PDGFRA: variants seen among roughly 807,000 people sequenced by gnomAD.
PDGFRA encodes the protein platelet-derived growth factor receptor alpha.
A neutral mutation model predicts 121.5 loss-of-function variants in PDGFRA; 25 were observed. The ratio of observed to expected loss-of-function variants is 0.21; its 90% CI spans 0.15 to 0.29. The LOEUF is 0.29. Among genes scored for constraint, PDGFRA ranks in the 10% least tolerant of loss-of-function variants. The pLI, the probability that PDGFRA is intolerant of heterozygous loss-of-function variation, is 1.00. For missense variants in PDGFRA, 1,008 were observed against 1,345.1 expected, an observed-to-expected ratio of 0.75 and a Z score of 3.92; for synonymous variants, 463 against 494.8, an observed-to-expected ratio of 0.94 and a Z score of 0.85.
intron 22 of PDGFRA, among the ~76,000 whole-genome samples, chr4:54,293,135 C>T (rs1015837391): frequency 6.6e-6 from 1 of 152,208 alleles, no homozygotes; most frequent in African/African-American, 2.4e-5. Context: ...CACTATGTCT[C>T]TATTTTTTGC....
chr4:54,272,410 G>A lies in PDGFRA; in HGVS notation c.1254G>A (p.Leu418=). The A allele has an allele frequency of 1.2e-6, 2 of 1,614,008 alleles. No homozygotes were observed. The highest frequency in any genetic ancestry group is 1.7e-6 in the Non-Finnish European group (2 of 1,180,000). ...ELLTQVPSSI[L]DLVDDHHGST... ...CTCTTGCAGTTCCTTCATCCATTCT[G>A]GACTTGGTCGATGATCACCATGGCT... Residue 418 remains leucine (L), a synonymous_variant, in exon 9 of 23, where the codon CTG becomes CTA. Coordinates refer to ENST00000257290, the MANE Select transcript of PDGFRA (RefSeq NM_006206.6).
Position 54,261,089 on chromosome 4 carries a change from T to C in PDGFRA, c.50-6T>C, listed in dbSNP as rs756305437. ...CATCCTATTCAGAGCGTGCTTCCTT[T>C]TGCAGGGCTGAGCCTAATCCTCTGC... On this transcript the variant is annotated splice_region_variant and splice_polypyrimidine_tract_variant and intron_variant, in intron 2 of 22. Coordinates refer to ENST00000257290, the MANE Select transcript of PDGFRA (RefSeq NM_006206.6). 3.1e-6 allele frequency: 5 copies of C among 1,614,010 alleles called. No homozygotes were observed. The highest frequency in any genetic ancestry group is 4.2e-6 in the Non-Finnish European group (5 of 1,179,862).
chr4:54,271,065 A>C (rs1319337280), intron 8 of PDGFRA, among the ~76,000 whole-genome samples: 1 of 152,140 alleles, frequency 6.6e-6, no homozygotes, highest in African/African-American at 2.4e-5. Flanking sequence ...GGCCTCTCAA[A>C]GTACTGGGAT....
Position 54,290,516 on chromosome 4 carries a change from C to A in PDGFRA, c.3084C>A (p.Val1028=). ...YIIPLPDIDP[V]PEEEDLGKRN... The stretch of plus-strand genomic sequence containing the variant: ...TTCCTCTGCCTGACATTGACCCTGT[C>A]CCTGAGGAGGAGGACCTGGGCAAGA... Residue 1028 remains valine, a synonymous_variant, in exon 22 of 23, where the codon GTC becomes GTA. Coordinates refer to ENST00000257290, the MANE Select transcript of PDGFRA (RefSeq NM_006206.6). The A allele has an allele frequency of 6.2e-7, 1 of 1,614,132 alleles. No homozygotes were observed. Among genetic ancestry groups the A allele is most frequent in the African/African-American group, 1.3e-5 (1 of 75,052 alleles).
chr4:54,261,637 T>C, intron 3 of PDGFRA, among the ~76,000 whole-genome samples: 1 of 151,966 alleles, frequency 6.6e-6, no homozygotes, highest in Non-Finnish European at 1.5e-5. Context: ...TTATGACATG[T>C]CCTGTATTGA....
intron 8 of PDGFRA, among the ~76,000 whole-genome samples, chr4:54,271,988 C>CTT (rs1560477287): frequency 1.2e-4 from 1 of 8,174 alleles, no homozygotes; most frequent in Non-Finnish European, 2.6e-4. Flanking sequence ...CTCCCCCTCC[C>CTT]CTCCCCCCTC....
At chr4:54,254,002 A>G (rs1296489468) in intron 1 of PDGFRA, among the ~76,000 whole-genome samples, 2 of 152,160 alleles carry the variant, frequency 1.3e-5, no homozygotes, top group East Asian at 1.9e-4. Flanking sequence ...ACTGATTCTT[A>G]TAGTGCCATG....
intron 1 of PDGFRA, among the ~76,000 whole-genome samples, chr4:54,230,137 G>A (rs112322644): frequency 1.8e-3 from 277 of 152,192 alleles, no homozygotes; most frequent in African/African-American, 6.5e-3. Context: ...CGGCGGTGAG[G>A]CGGCTGCGGG....
chr4:54,254,541 A>G (rs1366459022), intron 1 of PDGFRA, among the ~76,000 whole-genome samples: 4 of 152,228 alleles, frequency 2.6e-5, no homozygotes, highest in Non-Finnish European at 5.9e-5. Flanking sequence ...CAGGAAAAGC[A>G]GTGAACCCTT....
intron 1 of PDGFRA, among the ~76,000 whole-genome samples, chr4:54,256,070 A>T (rs774696454): frequency 6.6e-6 from 1 of 151,946 alleles, no homozygotes; most frequent in Non-Finnish European, 1.5e-5. Flanking sequence ...GGAGTTGGGT[A>T]GGAATGGTTT....
chr4:54,286,011 A>C (rs766493922), intron 18 of PDGFRA, 48 bp downstream of exon 18: 1 of 1,596,860 alleles, frequency 6.3e-7, no homozygotes, highest in South Asian at 1.1e-5. Context: ...CCTTCACTTT[A>C]ATCTCTAAAG....
At chr4:54,269,290 A>G (rs1404794585) in intron 7 of PDGFRA, among the ~76,000 whole-genome samples, 3 of 152,072 alleles carry the variant, frequency 2.0e-5, no homozygotes, top group Non-Finnish European at 4.4e-5. Flanking sequence ...CACACATACA[A>G]TCTCCTTTAA....
At chr4:54,232,348 G>A (rs1040745051) in intron 1 of PDGFRA, among the ~76,000 whole-genome samples, 5 of 152,230 alleles carry the variant, frequency 3.3e-5, no homozygotes, top group African/African-American at 1.2e-4. Context: ...GTTTGCTGAA[G>A]TGGCTCGGCG....
At chr4:54,260,396 G>GTTTTTTTTTTTTTT in intron 2 of PDGFRA, among the ~76,000 whole-genome samples, 1 of 125,008 alleles carries the variant, frequency 8.0e-6, no homozygotes, top group African/African-American at 3.3e-5. Flanking sequence ...ATTCCATGTG[G>GTTTTTTTTTTTTTT]GTTTTTTTTT....
intron 12 of PDGFRA, chr4:54,276,642 C>T (rs1240041800): frequency 1.3e-5 from 2 of 152,208 alleles, no homozygotes; most frequent in Admixed American, 6.5e-5. Context: ...AATACCTTTC[C>T]AGGTACGATT....
In PDGFRA at chr4:54,263,753, A is replaced by G. The variant is rs775558761; in HGVS notation, c.454A>G (p.Thr152Ala). Reference sequence around the variant, plus strand: ...TGATTCTGCCATTATACCTTGTCGCACAACTGATCCCGAGACTCCTGTAAC... The same window carrying G: ...TGATTCTGCCATTATACCTTGTCGCGCAACTGATCCCGAGACTCCTGTAAC... The part of the protein sequence containing the change: ...DDDSAIIPCR[T>A]TDPETPVTLH... Residue 152 changes from threonine (T) to alanine (A), a missense_variant, in exon 4 of 23, where the codon ACA becomes GCA. Physicochemically the swap from Thr to Ala is moderately conservative, Grantham distance 58 (BLOSUM62 0). Transcript: ENST00000257290. 1.2e-6 allele frequency: 2 copies of G among 1,614,104 alleles called. No homozygotes were observed. The highest frequency in any genetic ancestry group is 1.7e-6 in the Non-Finnish European group (2 of 1,179,998).
At chr4:54,249,395 C>T (rs1044142941) in intron 1 of PDGFRA, among the ~76,000 whole-genome samples, 10 of 152,228 alleles carry the variant, frequency 6.6e-5, no homozygotes, top group Non-Finnish European at 1.3e-4. Flanking sequence ...AAATATCCAA[C>T]GATGATAGAC....
intron 18 of PDGFRA, 85 bp downstream of exon 18, chr4:54,286,048 G>A (rs2110338833): frequency 7.8e-6 from 11 of 1,410,384 alleles, no homozygotes; most frequent in Non-Finnish European, 1.1e-5. Context: ...GAGATTCGGT[G>A]CCTGTTTTTT....
intron 1 of PDGFRA, among the ~76,000 whole-genome samples, chr4:54,255,531 A>T (rs1722313095): frequency 6.9e-6 from 1 of 145,814 alleles, no homozygotes. Flanking sequence ...TTTGAGACAG[A>T]GTCTTGCTCT....
Sources: allele counts gnomAD v4.1 joint callset (sites outside exome capture counted in the v4.1 genomes callset), GRCh38; gene constraint gnomAD v4.1.1; transcripts MANE v1.5; gene names NCBI Gene and HGNC (gene_info 2026-07-23, HGNC 2026-07-21).